PHC1: variants seen among roughly 807,000 people sequenced by gnomAD.
PHC1 encodes polyhomeotic homolog 1, also known as polyhomeotic-like protein 1.
PHC1 carries 12 observed loss-of-function variants against 104.3 expected under a neutral mutation model. That is an observed-to-expected ratio of 0.12 (90% CI 0.07 to 0.19). The LOEUF (loss-of-function observed/expected upper bound fraction) is 0.19, where lower values mean the gene tolerates loss of function less well. Among genes scored for constraint, PHC1 ranks in the 10% least tolerant of loss-of-function variants. PHC1 has a pLI of 1.00. For missense variants in PHC1, 671 were observed against 1,200.0 expected (o/e 0.56, Z 6.51); for synonymous variants, 302 against 455.8 (o/e 0.66, Z 4.30).
chr12:8,939,235 C>T, intron 14 of PHC1, 70 bp from the exon 15 acceptor site: 1 of 1,567,490 alleles, frequency 6.4e-7, no homozygotes, highest in South Asian at 1.1e-5. Flanking sequence ...CATTGCTAGA[C>T]CTCAGTTTCA....
rs750029399 is a variant in PHC1 at position 8,930,457 on chromosome 12, A to C, written c.635A>C (p.Asn212Thr). The C allele has an allele frequency of 6.2e-7, 1 of 1,605,486 alleles. No individual in the cohort carries two copies. The highest frequency in any genetic ancestry group is 1.7e-5 in the Admixed American group (1 of 58,572). ...ADQVQNLAVR[N>T]QQASAQGPQM... Reference sequence around the variant, plus strand: ...CAGGTTCAGAACTTGGCAGTAAGGAATCAACAGGCCTCAGCTCAAGGACCT... The same window carrying C: ...CAGGTTCAGAACTTGGCAGTAAGGACTCAACAGGCCTCAGCTCAAGGACCT... The change falls in exon 7 of 15, where the codon AAT (asparagine) becomes ACT (threonine). Residue 212 changes from asparagine to threonine, a missense_variant. By Grantham distance (65) the Asn-to-Thr change is moderately conservative. This residue lies in a region of PHC1 where 237 missense variants were observed against 331.1 expected (regional missense o/e 0.72). Transcript: ENST00000544916.
intron 3 of PHC1, among the ~76,000 whole-genome samples, chr12:8,920,505 C>CA (rs769997322): frequency 6.6e-6 from 1 of 152,194 alleles, no homozygotes; most frequent in East Asian, 1.9e-4. Flanking sequence ...GTCAGGAGTT[C>CA]AAGACCAGCC....
rs1945887986 is a variant in PHC1 at position 8,937,964 on chromosome 12, A to C, written c.2764A>C (p.Thr922Pro). 7 of 1,604,240 alleles carry C rather than the reference A, an allele frequency of 4.4e-6. No homozygotes were observed. In the East Asian group the frequency reaches 1.6e-4, roughly 36 times the overall value. ...DLGNPNTAPP[T>P]PELHGINPVF... ...GGGGAATCCCAATACAGCTCCACCT[A>C]CACCGGAATTACATGGCATCAACCC... is the stretch of plus-strand genomic sequence containing the variant. The change falls in exon 14 of 15, where the codon ACA becomes CCA. Residue 922 changes from threonine (T) to proline (P), a missense_variant. Coordinates refer to ENST00000544916, the MANE Select transcript of PHC1 (RefSeq NM_004426.3).
Position 8,919,189 on chromosome 12 carries a change from A to G in PHC1, c.115-567A>G, listed in dbSNP as rs1212561118. ...ATTCTCCTACCTCAGCCTCCCTAGT[A>G]GTTGGGATTACAGGCGCCCACCACC... On this transcript the variant is annotated intron_variant, in intron 2 of 14. Coordinates refer to ENST00000544916, the MANE Select transcript of PHC1 (RefSeq NM_004426.3). The surrounding 1 kb of genome is among the most constrained non-coding windows in gnomAD (Gnocchi z 4.9). 6.6e-6 allele frequency among the ~76,000 whole-genome samples: 1 copy of G among 152,042 alleles called. No homozygotes were observed. The highest frequency in any genetic ancestry group is 1.5e-5 in the Non-Finnish European group (1 of 68,006).
intron 9 of PHC1, 115 bp downstream of exon 9, chr12:8,934,127 T>C: frequency 7.3e-7 from 1 of 1,361,798 alleles, no homozygotes; most frequent in Non-Finnish European, 1.0e-6. Flanking sequence ...GGTGGACAAA[T>C]GAATAGATCC....
chr12:8,927,884 TCTTTCTTTCTTTCTTTCTTTCTTTC>T (rs1565517441), intron 6 of PHC1, among the ~76,000 whole-genome samples: 2 of 109,846 alleles, frequency 1.8e-5, no homozygotes, highest in African/African-American at 8.1e-5. Flanking sequence ...TTTCTTTCTT[TCTTTCTTTCTTTCTTTCTTTCTTTC>T]TTTCTTTTTT....
chr12:8,921,173 T>C (rs1330922162), intron 4 of PHC1, 108 bp downstream of exon 4: 1 of 757,504 alleles, frequency 1.3e-6, no homozygotes, highest in Non-Finnish European at 2.1e-6. Flanking sequence ...CGTCAGTGGA[T>C]AGTTACTGCT....
chr12:8,938,151 A>G, intron 14 of PHC1, 91 bp downstream of exon 14: 1 of 815,760 alleles, frequency 1.2e-6, no homozygotes. Flanking sequence ...TTGACTTTTA[A>G]GCAGTAGGAG....
chr12:8,929,985 A>G (rs4883201), intron 6 of PHC1, among the ~76,000 whole-genome samples: 13,782 of 152,096 alleles, frequency 0.091, 901 homozygotes, highest in East Asian at 0.31. Flanking sequence ...CTGTACTCCT[A>G]TGGTACTGGG....
intron 1 of PHC1, chr12:8,916,003 C>G (rs747445857): frequency 6.5e-6 from 1 of 154,466 alleles, no homozygotes; most frequent in East Asian, 1.9e-4. Flanking sequence ...ATCTATAAAA[C>G]TGTGCCGTGC....
rs1945727041 is a variant in PHC1 at position 8,932,781 on chromosome 12, G to A, written c.1324G>A (p.Ala442Thr). 1 of 1,575,658 alleles carries A rather than the reference G, an allele frequency of 6.3e-7. No individual in the cohort carries two copies. The highest frequency in any genetic ancestry group is 1.7e-5 in the Admixed American group (1 of 58,430). The change falls in exon 8 of 15, where the codon GCC (alanine) becomes ACC (threonine). Residue 442 changes from alanine (A) to threonine (T), a missense_variant. Around this residue, in one of 9 missense-constraint regions of PHC1, gnomAD observed 1 missense variants for 65.6 expected, o/e 0.02. Transcript: ENST00000544916. Reference sequence around the variant, plus strand: ...ACAGCAGCAACAGCAGCAGCCGCAAGCCACCACCCTCACTGCCCCTCAGCC... The same window carrying A: ...ACAGCAGCAACAGCAGCAGCCGCAAACCACCACCCTCACTGCCCCTCAGCC... ...QQQQQQQQPQ[A>T]TTLTAPQPPQ...
Position 8,919,711 on chromosome 12 carries a change from G to C in PHC1, c.115-45G>C. The C allele has an allele frequency of 6.4e-7, 1 of 1,552,754 alleles. No homozygotes were observed. On this transcript the variant is annotated intron_variant, in intron 2 of 14. Coordinates refer to ENST00000544916, the MANE Select transcript of PHC1 (RefSeq NM_004426.3). This position sits in a 1 kb window ranked among gnomAD's most constrained non-coding sequence, Gnocchi z 4.9. Reference sequence around the variant, plus strand: ...ATACAGTGATTTACATAGAATAGGAGCTAGGAGTGGTCCATTCTAAATGTT... The same window carrying C: ...ATACAGTGATTTACATAGAATAGGACCTAGGAGTGGTCCATTCTAAATGTT...
At chr12:8,921,497 G>T in intron 4 of PHC1, 104 bp from the exon 5 acceptor site, 1 of 1,013,700 alleles carries the variant, frequency 9.9e-7, no homozygotes, top group South Asian at 1.5e-5. Context: ...CCATGAAAGT[G>T]AAATACTCTG....
intron 1 of PHC1, among the ~76,000 whole-genome samples, chr12:8,916,701 C>T (rs1945212329): frequency 6.6e-6 from 1 of 152,058 alleles, no homozygotes; most frequent in Non-Finnish European, 1.5e-5. Flanking sequence ...ATCTTACTTT[C>T]TTGAAGATTT....
At position 8,941,430 on chromosome 12, in the gene PHC1, A is replaced by ATT; in HGVS notation, c.*1980_*1981dup. ...CCCTGTATAAATAATGTTTCTTGGC[A>ATT]TTTTTTTTTTAATTAAAGAAATCCA... On this transcript the variant is annotated 3_prime_UTR_variant, in exon 15 of 15. Coordinates refer to ENST00000544916, the MANE Select transcript of PHC1 (RefSeq NM_004426.3). The ATT allele has an allele frequency of 5.5e-6, 1 of 181,114 alleles. No homozygotes were observed. Among genetic ancestry groups the ATT allele is most frequent in the Non-Finnish European group, 1.2e-5 (1 of 86,202 alleles). 11.2% of individuals were successfully genotyped at this position (181,114 alleles called of 1,614,324 possible).
chr12:8,920,623 G>A (rs962276447), intron 3 of PHC1, among the ~76,000 whole-genome samples: 1 of 152,174 alleles, frequency 6.6e-6, no homozygotes, highest in African/African-American at 2.4e-5. Context: ...CAGGAGAATC[G>A]CTCAAACCTG....
intron 6 of PHC1, among the ~76,000 whole-genome samples, chr12:8,927,677 A>C (rs1945555074): frequency 6.6e-6 from 1 of 152,138 alleles, no homozygotes; most frequent in African/African-American, 2.4e-5. Flanking sequence ...AGTTTGAAAT[A>C]GCCATTATGG....
intron 7 of PHC1, 29 bp from the exon 8 acceptor site, chr12:8,932,533 CT>C: frequency 6.3e-7 from 1 of 1,596,420 alleles, no homozygotes; most frequent in Middle Eastern, 1.7e-4. Flanking sequence ...TCTTTTTTCT[CT>C]CTGTTGTATT....
rs374686978 is a variant in PHC1 at position 8,933,362 on chromosome 12, C to A, written c.1893+12C>A. The A allele has an allele frequency of 1.4e-5, 21 of 1,551,196 alleles. 1 individual carries two copies. The Middle Eastern group carries it at 1.2e-3, about 87-fold the overall frequency. On this transcript the variant is annotated intron_variant, in intron 8 of 14. Coordinates refer to ENST00000544916, the MANE Select transcript of PHC1 (RefSeq NM_004426.3). ...CTGTGCACTTGCCGGTGAGTGATGT[C>A]TGATGGTTTTGAGGGCACTATTATG...
Sources: gnomAD v4.1 joint callset for allele counts (sites outside exome capture counted in the v4.1 genomes callset) on GRCh38, gnomAD v4.1.1 for gene constraint, gnomAD v4.1.1 regional missense constraint, Gnocchi (gnomAD v3.1) non-coding constraint, MANE v1.5 for transcripts, NCBI Gene and HGNC (gene_info 2026-07-23, HGNC 2026-07-21) for gene names.